The following FBXW9 variants were observed in gnomAD, a reference collection of about 807,000 sequenced individuals.
FBXW9 encodes F-box and WD repeat domain containing 9, also known as F-box/WD repeat-containing protein 9.
FBXW9 carries 38 observed loss-of-function variants against 55.8 expected under a neutral mutation model. That is an observed-to-expected ratio of 0.68 (90% CI 0.53 to 0.89). FBXW9 has a LOEUF of 0.89. Ranked by LOEUF, FBXW9 falls within the 40% of genes least tolerant of loss-of-function variation. The pLI is 0.00. For missense variants in FBXW9, 590 were observed against 619.4 expected (o/e 0.95, Z 0.50); for synonymous variants, 289 against 278.2 (o/e 1.04, Z -0.38).
rs757624871 is a variant in FBXW9, at chr19:12,689,584, G to A, written c.1193C>T (p.Ser398Phe). Residue 398 changes from serine (S) to phenylalanine (F), a missense_variant, in exon 8 of 10, where the codon TCC becomes TTC. Physicochemically the swap from Ser to Phe is radical, Grantham distance 155. Transcript: ENST00000393261. This position sits in a 1 kb window ranked among gnomAD's most constrained non-coding sequence, Gnocchi z 5.9. ...HSFPITGIQY[S>F]VGALYTTSTD... is the part of the protein sequence containing the mutation. ...GGATGTGGTGTACAAGGCTCCCACG[G>A]AGTACTGGATCCCAGTGATGGGAAA... 6.2e-7 allele frequency: 1 copy of A among 1,614,128 alleles called. No individual in the cohort carries two copies.
intron 1 of FBXW9, 77 bp downstream of exon 1, chr19:12,696,096 T>G (rs2025066058): frequency 1.5e-6 from 2 of 1,374,242 alleles, no homozygotes; most frequent in Non-Finnish European, 9.7e-7. Context: ...GAACACCCCA[T>G]GTACCTCTTC....
Position 12,689,271 on chromosome 19 carries a change from AGGTTGCCCTCAGCACAGACCT to A in FBXW9, c.1303-2_1321del. On this transcript the variant is annotated splice_acceptor_variant and coding_sequence_variant, in exon 10 of 10. Transcript: ENST00000393261. LOFTEE classifies it high-confidence loss of function. This position sits in a 1 kb window ranked among gnomAD's most constrained non-coding sequence, Gnocchi z 5.9. ...CAGGTCTCCAGAGCCGGCCACCACC[AGGTTGCCCTCAGCACAGACCT>A]GGGAAGGGGGAGGAACATGAGGAGT... 6.2e-7 allele frequency: 1 copy of A among 1,614,172 alleles called. No individual in the cohort carries two copies. The highest frequency in any genetic ancestry group is 1.1e-5 in the South Asian group (1 of 91,078).
intron 3 of FBXW9, among the ~76,000 whole-genome samples, chr19:12,693,555 TATATATAC>T (rs1333255108): frequency 0.01 from 206 of 20,510 alleles, 3 homozygotes; most frequent in Non-Finnish European, 0.014. Flanking sequence ...TATATATATA[TATATATAC>T]ACACACACAC....
chr19:12,689,923 A>C lies in FBXW9; in HGVS notation c.1032+39T>G, dbSNP rs2024981814. 2.5e-6 allele frequency: 4 copies of C among 1,612,436 alleles called. No homozygotes were observed. Among genetic ancestry groups the C allele is most frequent in the Non-Finnish European group, 1.7e-6 (2 of 1,178,644 alleles). ...ACAGCTCAGGCCGGGCTGGGCCTGCAACAGTCCCCATCCCTCCAGGCCCCT... is the reference window on the plus strand; with the variant it reads ...ACAGCTCAGGCCGGGCTGGGCCTGCCACAGTCCCCATCCCTCCAGGCCCCT... On this transcript the variant is annotated intron_variant, in intron 6 of 9. Transcript: ENST00000393261. This position sits in a 1 kb window ranked among gnomAD's most constrained non-coding sequence, Gnocchi z 5.9.
chr19:12,689,510 T>TCCTG lies in FBXW9; in HGVS notation c.1236+27_1236+30dup. The TCCTG allele has an allele frequency of 3.7e-6, 6 of 1,612,686 alleles. No homozygotes were observed. Among genetic ancestry groups the TCCTG allele is most frequent in the Non-Finnish European group, 5.1e-6 (6 of 1,178,812 alleles). ...GGAGGTAGGGGAGAGGCAGGGACTGTCCTGGGGTGGGGGCTGGGCAGGAGC... is the reference window on the plus strand; with the variant it reads ...GGAGGTAGGGGAGAGGCAGGGACTGTCCTGCCTGGGGTGGGGGCTGGGCAGGAGC... On this transcript the variant is annotated intron_variant, in intron 8 of 9. Transcript: ENST00000393261. This position sits in a 1 kb window ranked among gnomAD's most constrained non-coding sequence, Gnocchi z 5.9.
intron 5 of FBXW9, 122 bp downstream of exon 5, chr19:12,691,044 T>C: frequency 1.1e-6 from 1 of 885,472 alleles, no homozygotes; most frequent in Non-Finnish European, 1.9e-6. Flanking sequence ...CAGCACAGCA[T>C]GGCCACTCTG....
At chr19:12,694,196 A>G (rs2025046808) in intron 3 of FBXW9, among the ~76,000 whole-genome samples, 1 of 150,226 alleles carries the variant, frequency 6.7e-6, no homozygotes, top group African/African-American at 2.5e-5. Context: ...AAAAAATTAG[A>G]CAGGTGTGGT....
In FBXW9 at chr19:12,689,247, A is replaced by C. The variant is rs754865078; in HGVS notation, c.1346T>G (p.Leu449Arg). 59 of 1,613,806 alleles carry C rather than the reference A, an allele frequency of 3.7e-5. 1 individual carries two copies. The South Asian group carries it at 6.5e-4, about 18-fold the overall frequency. The stretch of plus-strand genomic sequence containing the variant: ...CTGCAGCCTCCAGACCTCTAGCGAC[A>C]GGTCTCCAGAGCCGGCCACCACCAG... ...GNLVVAGSGD[L>R]SLEVWRLQA Residue 449 changes from leucine (L) to arginine (R), a missense_variant, in exon 10 of 10, where the codon CTG (leucine) becomes CGG (arginine). Leu to Arg is a moderately radical substitution (Grantham distance 102, BLOSUM62 -2). Transcript: ENST00000393261. This position sits in a 1 kb window ranked among gnomAD's most constrained non-coding sequence, Gnocchi z 5.9.
intron 1 of FBXW9, among the ~76,000 whole-genome samples, 192 bp from the exon 2 acceptor site, chr19:12,695,130 G>A (rs1239487336): frequency 6.6e-6 from 1 of 152,136 alleles, no homozygotes; most frequent in African/African-American, 2.4e-5. Context: ...CCATTTCCCA[G>A]GCAGGTCTAG....
rs564304262 is a variant in FBXW9 at position 12,691,239 on chromosome 19, C to T, written c.810G>A (p.Leu270=). ...GGATGTCAGGCAGGTAGGAGAGGCA[C>T]AGCACGGCTGAGCTGGCCCTAGGGA... is the stretch of plus-strand genomic sequence containing the variant. The part of the protein sequence containing the change: ...FGEIKASSAV[L]CLSYLPDILV... The change falls in exon 5 of 10, where the codon CTG becomes CTA. Residue 270 remains leucine (L), a synonymous_variant. Transcript: ENST00000393261. 2 of 1,614,214 alleles carry T rather than the reference C, an allele frequency of 1.2e-6. No individual in the cohort carries two copies. The highest frequency in any genetic ancestry group is 1.7e-6 in the Non-Finnish European group (2 of 1,180,034).
chr19:12,695,632 A>G (rs1434021019), intron 1 of FBXW9, among the ~76,000 whole-genome samples: 22 of 152,126 alleles, frequency 1.4e-4, no homozygotes, highest in Admixed American at 3.9e-4. Flanking sequence ...ATATCGATTC[A>G]AAGGTCCCAA....
At position 12,689,393 on chromosome 19, in the gene FBXW9, C is replaced by T; in HGVS notation, c.1281G>A (p.Arg427=). The change falls in exon 9 of 10, where the codon AGG becomes AGA. Residue 427 remains arginine, a synonymous_variant. Transcript: ENST00000393261. This position sits in a 1 kb window ranked among gnomAD's most constrained non-coding sequence, Gnocchi z 5.9. ...TDPPRTICTR[R]HDNGLNRVCA... is the part of the protein sequence containing the mutation. ...TTACCCTATTGAGCCCATTGTCATG[C>T]CTTCGGGTGCAAATGGTCCTTGGTG... 1 of 1,614,130 alleles carries T rather than the reference C, an allele frequency of 6.2e-7. No homozygotes were observed. The highest frequency in any genetic ancestry group is 2.2e-5 in the East Asian group (1 of 44,890).
At position 12,689,456 on chromosome 19, in the gene FBXW9, C is replaced by T. The variant is rs546536606; in HGVS notation, c.1237-19G>A. 9.1e-5 allele frequency: 147 copies of T among 1,614,000 alleles called. No individual in the cohort carries two copies. Among genetic ancestry groups the T allele is most frequent in the Middle Eastern group, 1.6e-4 (1 of 6,062 alleles). Reference sequence around the variant, plus strand: ...CGTGCACCTAGTGAGGGGCAATGGGCGAGGTCAAGAGGTGTGCCCCTGGCT... The same window carrying T: ...CGTGCACCTAGTGAGGGGCAATGGGTGAGGTCAAGAGGTGTGCCCCTGGCT... On this transcript the variant is annotated intron_variant, in intron 8 of 9. Transcript: ENST00000393261. The surrounding 1 kb of genome is among the most constrained non-coding windows in gnomAD (Gnocchi z 5.9).
chr19:12,691,913 G>A (rs934580898), intron 3 of FBXW9, among the ~76,000 whole-genome samples: 6 of 151,762 alleles, frequency 4.0e-5, no homozygotes, highest in South Asian at 2.1e-4. Context: ...GTGCCACCAC[G>A]CCCGGCTAAT....
At position 12,694,813 on chromosome 19, in the gene FBXW9, C is replaced by A. The variant is rs764044271; in HGVS notation, c.535G>T (p.Val179Leu). The A allele has an allele frequency of 2.2e-5, 35 of 1,614,018 alleles. No individual in the cohort carries two copies. The highest frequency in any genetic ancestry group is 2.2e-4 in the Admixed American group (13 of 60,008). The change falls in exon 2 of 10, where the codon GTG (valine) becomes TTG (leucine). Residue 179 changes from valine to leucine, a missense_variant. By Grantham distance (32) the Val-to-Leu change is conservative. Transcript: ENST00000393261. ...CCCCGTCTCACCTGGAGCAGCAGCACTGAGTCAACGGAAGCCACGTGGCCT... is the reference window on the plus strand; with the variant it reads ...CCCCGTCTCACCTGGAGCAGCAGCAATGAGTCAACGGAAGCCACGTGGCCT... ...AEGHVASVDS[V>L]LLLQGGSLCL...
At chr19:12,696,133 C>CGCCCCCG (rs781202836) in intron 1 of FBXW9, 40 bp downstream of exon 1, 3 of 1,491,098 alleles carry the variant, frequency 2.0e-6, no homozygotes, top group South Asian at 1.3e-5. Flanking sequence ...CCTGGGCGGG[C>CGCCCCCG]GCCCCCGGCC....
rs1050023376 is a variant in FBXW9, at chr19:12,689,468, G to A, written c.1237-31C>T. ...GAGGGGCAATGGGCGAGGTCAAGAG[G>A]TGTGCCCCTGGCTGATGGAGGTAGG... On this transcript the variant is annotated intron_variant, in intron 8 of 9. Transcript: ENST00000393261. The surrounding 1 kb of genome is among the most constrained non-coding windows in gnomAD (Gnocchi z 5.9). The A allele has an allele frequency of 2.5e-6, 4 of 1,613,980 alleles. No individual in the cohort carries two copies. In the African/African-American group the frequency reaches 5.3e-5, roughly 22 times the overall value.
Position 12,696,606 on chromosome 19 carries a change from C to T in FBXW9, c.-25G>A, listed in dbSNP as rs780976883. 2 of 1,600,716 alleles carry T rather than the reference C, an allele frequency of 1.2e-6. No individual in the cohort carries two copies. Among genetic ancestry groups the T allele is most frequent in the Non-Finnish European group, 1.7e-6 (2 of 1,178,860 alleles). ...TTGCGACCGGGTGGGCGCTGCCGGCCTCGCGTCTTGTCTCCTAGGCAGCAC... is the reference window on the plus strand; with the variant it reads ...TTGCGACCGGGTGGGCGCTGCCGGCTTCGCGTCTTGTCTCCTAGGCAGCAC... On this transcript the variant is annotated 5_prime_UTR_variant, in exon 1 of 10. Transcript: ENST00000393261.
At chr19:12,694,516 T>C in intron 3 of FBXW9, 78 bp downstream of exon 3, 2 of 1,502,508 alleles carry the variant, frequency 1.3e-6, no homozygotes, top group Non-Finnish European at 1.8e-6. Flanking sequence ...ATCTATGCGG[T>C]CCTGTACCAA....
Sources: gnomAD v4.1 joint callset for allele counts (sites outside exome capture counted in the v4.1 genomes callset) on GRCh38, gnomAD v4.1.1 for gene constraint, Gnocchi (gnomAD v3.1) non-coding constraint, MANE v1.5 for transcripts, NCBI Gene and HGNC (gene_info 2026-07-23, HGNC 2026-07-21) for gene names.